FER1L5: variants seen among roughly 807,000 people sequenced by gnomAD.
FER1L5 encodes the protein fer-1 like family member 5, also known as fer-1-like protein 5.
FER1L5 carries 187 observed loss-of-function variants against 279.9 expected under a neutral mutation model. The ratio of observed to expected loss-of-function variants is 0.67; its 90% CI spans 0.59 to 0.75. FER1L5 has a LOEUF of 0.75. Among genes scored for constraint, FER1L5 ranks in the 30% least tolerant of loss-of-function variants. The pLI is 0.00. For synonymous variants in FER1L5, 921 were observed against 989.7 expected (o/e 0.93, Z 1.30); for missense variants, 2,091 against 2,594.4 (o/e 0.81, Z 4.21).
At position 96,694,672 on chromosome 2, in the gene FER1L5, G is replaced by T; in HGVS notation, c.3741+208G>T. ...ATTTTACCACAAACCTCTGCAGTGAGGAGTAGGCAAAGGGCTGTAGCATGC... is the reference window on the plus strand; with the variant it reads ...ATTTTACCACAAACCTCTGCAGTGATGAGTAGGCAAAGGGCTGTAGCATGC... On this transcript the variant is annotated intron_variant, in intron 34 of 52. Coordinates refer to ENST00000624922, the MANE Select transcript of FER1L5 (RefSeq NM_001293083.2). The surrounding 1 kb of genome is among the most constrained non-coding windows in gnomAD (Gnocchi z 4.6). 2.2e-6 allele frequency: 1 copy of T among 460,550 alleles called. No individual in the cohort carries two copies. Among genetic ancestry groups the T allele is most frequent in the Non-Finnish European group, 3.8e-6 (1 of 263,046 alleles). The allele number at this position is 460,550 out of a possible 1,614,324, so 28.5% of individuals were successfully genotyped here.
Position 96,689,611 on chromosome 2 carries a change from T to C in FER1L5, c.2526-33T>C, listed in dbSNP as rs936405896. 2.9e-5 allele frequency: 44 copies of C among 1,538,438 alleles called. No individual in the cohort carries two copies. Among genetic ancestry groups the C allele is most frequent in the Non-Finnish European group, 3.4e-5 (39 of 1,135,996 alleles). ...CGGCCCTAGGGGCTGCTTGGGGAGT[T>C]GTGCTGGGAACTTGGGGTCTCATTA... is the stretch of plus-strand genomic sequence containing the variant. On this transcript the variant is annotated intron_variant, in intron 25 of 52. Transcript: ENST00000624922. The surrounding 1 kb of genome is among the most constrained non-coding windows in gnomAD (Gnocchi z 4.6).
In FER1L5 at chr2:96,699,950, G is replaced by T. The variant is rs1412949351; in HGVS notation, c.4800G>T (p.Trp1600Cys). Residue 1600 changes from tryptophan (W) to cysteine (C), a missense_variant, in exon 44 of 53, where the codon TGG (tryptophan) becomes TGT (cysteine). Coordinates refer to ENST00000624922, the MANE Select transcript of FER1L5 (RefSeq NM_001293083.2). ...CCCACAGGTCAGGGCCCTTTAGATG[G>T]CGGGATCAGATGCCCCCAAGCTACC... is the stretch of plus-strand genomic sequence containing the variant. Reference protein sequence around the residue: ...KSYCQSGPFRWRDQMPPSYLL... With the variant: ...KSYCQSGPFRCRDQMPPSYLL... 6.2e-7 allele frequency: 1 copy of T among 1,613,868 alleles called. No individual in the cohort carries two copies. Among genetic ancestry groups the T allele is most frequent in the Non-Finnish European group, 8.5e-7 (1 of 1,179,842 alleles).
chr2:96,693,747 A>G (rs1573947936), intron 32 of FER1L5, 60 bp downstream of exon 32: 1 of 1,510,280 alleles, frequency 6.6e-7, no homozygotes, highest in Non-Finnish European at 8.9e-7. Context: ...GGCTGAGGGG[A>G]TTTATTTTAG....
Position 96,693,827 on chromosome 2 carries a change from G to A in FER1L5, c.3475-84G>A, listed in dbSNP as rs1489196376. On this transcript the variant is annotated intron_variant, in intron 32 of 52. Transcript: ENST00000624922. Reference sequence around the variant, plus strand: ...CAGCACCATGGAAATTCACCTGCCAGCTGTTGCCCTTGCCTTGAGAAGCCC... The same window carrying A: ...CAGCACCATGGAAATTCACCTGCCAACTGTTGCCCTTGCCTTGAGAAGCCC... 3 of 1,477,010 alleles carry A rather than the reference G, an allele frequency of 2.0e-6. No individual in the cohort carries two copies. The East Asian group carries it at 7.4e-5, about 37-fold the overall frequency. The allele number at this position is 1,477,010 out of a possible 1,614,324, so 91.5% of individuals were successfully genotyped here.
At chr2:96,693,183 AAG>A (rs1384024344) in intron 31 of FER1L5, among the ~76,000 whole-genome samples, 7 of 151,786 alleles carry the variant, frequency 4.6e-5, no homozygotes, top group Admixed American at 3.9e-4. Flanking sequence ...TCAAAAAAAA[AAG>A]AGAAAAAAAA....
intron 19 of FER1L5, among the ~76,000 whole-genome samples, chr2:96,679,229 T>TTG (rs1491154519): frequency 8.3e-6 from 1 of 120,772 alleles, no homozygotes; most frequent in African/African-American, 4.2e-5. Context: ...ACACCTATAG[T>TTG]TTTTTTTTTT....
intron 9 of FER1L5, 199 bp downstream of exon 9, chr2:96,654,695 C>G (rs1406656013): frequency 3.2e-6 from 1 of 315,998 alleles, no homozygotes; most frequent in Non-Finnish European, 5.7e-6. Context: ...GTCAGGAGAT[C>G]GAGACCATCG....
Position 96,663,252 on chromosome 2 carries a change from G to A in FER1L5, c.1072-187G>A, listed in dbSNP as rs148673256. Among the ~76,000 whole-genome samples, 550 of 152,302 alleles carry A rather than the reference G, an allele frequency of 3.6e-3. 9 individuals are homozygous for A. Among genetic ancestry groups the A allele is most frequent in the Non-Finnish European group, 8.8e-4 (60 of 68,028 alleles). ...AATCTGAATCTGGCAAACACCTCGGGTAAGTACACAAAGGACTGGCGCTGT... is the reference window on the plus strand; with the variant it reads ...AATCTGAATCTGGCAAACACCTCGGATAAGTACACAAAGGACTGGCGCTGT... On this transcript the variant is annotated intron_variant, in intron 13 of 52. Coordinates refer to ENST00000624922, the MANE Select transcript of FER1L5 (RefSeq NM_001293083.2).
chr2:96,699,422 A>G lies in FER1L5; in HGVS notation c.4611-128A>G, dbSNP rs1573969957. ...GATGGCGATTGGCAGAAGGCAGCCTACCCCATGCTCTGCTCTCCACAATCT... is the reference window on the plus strand; with the variant it reads ...GATGGCGATTGGCAGAAGGCAGCCTGCCCCATGCTCTGCTCTCCACAATCT... On this transcript the variant is annotated intron_variant, in intron 42 of 52. Transcript: ENST00000624922. 4.5e-6 allele frequency: 5 copies of G among 1,117,028 alleles called. No homozygotes were observed. In the South Asian group the frequency reaches 7.5e-5, roughly 17 times the overall value. 69.2% of individuals were successfully genotyped at this position (1,117,028 alleles called of 1,614,324 possible).
chr2:96,662,815 G>A (rs2076001330), intron 13 of FER1L5, among the ~76,000 whole-genome samples: 1 of 152,196 alleles, frequency 6.6e-6, no homozygotes, highest in African/African-American at 2.4e-5. Flanking sequence ...TCTATCTTTT[G>A]AAGGGAGGAG....
At position 96,698,843 on chromosome 2, in the gene FER1L5, G is replaced by C. The variant is rs1488349547; in HGVS notation, c.4518+11G>C. ...GACTACAATGGCCTGGTAAAGAACA[G>C]TACCTGCCCCACACAGGTGCCCCGC... On this transcript the variant is annotated intron_variant, in intron 41 of 52. Transcript: ENST00000624922. This position sits in a 1 kb window ranked among gnomAD's most constrained non-coding sequence, Gnocchi z 5.5. The C allele has an allele frequency of 6.4e-7, 1 of 1,557,520 alleles. No individual in the cohort carries two copies. The highest frequency in any genetic ancestry group is 1.4e-5 in the African/African-American group (1 of 73,130).
intron 42 of FER1L5, 140 bp downstream of exon 42, chr2:96,699,276 C>A: frequency 1.1e-6 from 1 of 925,552 alleles, no homozygotes. Context: ...CCCTGGTGCT[C>A]AACAGATAGA....
At position 96,694,204 on chromosome 2, in the gene FER1L5, G is replaced by A; in HGVS notation, c.3636+132G>A. The A allele has an allele frequency of 7.3e-7, 1 of 1,376,694 alleles. No individual in the cohort carries two copies. Among genetic ancestry groups the A allele is most frequent in the Non-Finnish European group, 9.6e-7 (1 of 1,036,346 alleles). 85.3% of individuals were successfully genotyped at this position (1,376,694 alleles called of 1,614,324 possible). A position where few individuals can be genotyped will look rare whatever the true frequency, so the allele number is the denominator to read the frequency against. On this transcript the variant is annotated intron_variant, in intron 33 of 52. Coordinates refer to ENST00000624922, the MANE Select transcript of FER1L5 (RefSeq NM_001293083.2). The surrounding 1 kb of genome is among the most constrained non-coding windows in gnomAD (Gnocchi z 4.6). ...CCCAGGATCCCGAGCTGTGGGCTTGGTGACGCTGGCCTGACCAGCCTCTCC... is the reference window on the plus strand; with the variant it reads ...CCCAGGATCCCGAGCTGTGGGCTTGATGACGCTGGCCTGACCAGCCTCTCC...
At chr2:96,686,870 A>C (rs1160049995) in intron 23 of FER1L5, among the ~76,000 whole-genome samples, 2 of 151,640 alleles carry the variant, frequency 1.3e-5, no homozygotes, top group East Asian at 1.9e-4. Flanking sequence ...AAAAAAAAAA[A>C]AAAAAAAAAC....
At chr2:96,655,991 C>A (rs2075583489) in intron 9 of FER1L5, among the ~76,000 whole-genome samples, 1 of 152,156 alleles carries the variant, frequency 6.6e-6, no homozygotes, top group Non-Finnish European at 1.5e-5. Context: ...GGATTACAGG[C>A]GTGTGTCCAC....
At chr2:96,654,181 G>C (rs926983780) in intron 8 of FER1L5, 2 of 338,826 alleles carry the variant, frequency 5.9e-6, no homozygotes. Flanking sequence ...AACGTTGAGT[G>C]CAACACCTTG....
rs745972721 is a variant in FER1L5 at position 96,691,307 on chromosome 2, A to G, written c.2861A>G (p.His954Arg). ...RRWARVRFRN[H>R]GELSHEQETL... ...TGGGCGCGTGTGCGCTTCAGGAACCATGGGGAGCTGAGCCACGAGCAGGAG... is the reference window on the plus strand; with the variant it reads ...TGGGCGCGTGTGCGCTTCAGGAACCGTGGGGAGCTGAGCCACGAGCAGGAG... The change falls in exon 28 of 53, where the codon CAT becomes CGT. Residue 954 changes from histidine to arginine, a missense_variant. Coordinates refer to ENST00000624922, the MANE Select transcript of FER1L5 (RefSeq NM_001293083.2). The surrounding 1 kb of genome is among the most constrained non-coding windows in gnomAD (Gnocchi z 6.0). 3 of 1,550,436 alleles carry G rather than the reference A, an allele frequency of 1.9e-6. No individual in the cohort carries two copies. The highest frequency in any genetic ancestry group is 1.2e-5 in the South Asian group (1 of 84,054).
chr2:96,680,100 G>T (rs1380896500), intron 19 of FER1L5, among the ~76,000 whole-genome samples: 1 of 152,086 alleles, frequency 6.6e-6, no homozygotes, highest in Non-Finnish European at 1.5e-5. Context: ...CTTGGCTTCG[G>T]TGGCGGTCAC....
In FER1L5 at chr2:96,694,623, G is replaced by C; in HGVS notation, c.3741+159G>C. The C allele has an allele frequency of 1.8e-6, 1 of 544,680 alleles. No homozygotes were observed. The highest frequency in any genetic ancestry group is 3.1e-6 in the Non-Finnish European group (1 of 322,558). The allele number at this position is 544,680 out of a possible 1,614,324, so 33.7% of individuals were successfully genotyped here. On this transcript the variant is annotated intron_variant, in intron 34 of 52. Transcript: ENST00000624922. The surrounding 1 kb of genome is among the most constrained non-coding windows in gnomAD (Gnocchi z 4.6). ...GAGGGAGACAGGAGAGAAACGAAGA[G>C]GTTCTGGTGTAACACTGGAAATCAT...
Sources: allele counts gnomAD v4.1 joint callset (sites outside exome capture counted in the v4.1 genomes callset), GRCh38; gene constraint gnomAD v4.1.1; non-coding constraint Gnocchi (gnomAD v3.1); transcripts MANE v1.5; gene names NCBI Gene and HGNC (gene_info 2026-07-23, HGNC 2026-07-21).